The following NTM variants were observed in gnomAD, a reference collection of about 807,000 sequenced individuals.
NTM encodes the protein neurotrimin.
A neutral mutation model predicts 42.1 loss-of-function variants in NTM; 13 were observed. That is an observed-to-expected ratio of 0.31 (90% CI 0.20 to 0.49). NTM has a LOEUF of 0.49. NTM is among the 20% of genes least tolerant of loss of function. The pLI is 0.99. For missense variants in NTM, 373 were observed against 452.8 expected (o/e 0.82, Z 1.60); for synonymous variants, 187 against 179.2 (o/e 1.04, Z -0.35).
chr11:131,790,014 T>C (rs2136134083), intron 1 of NTM, among the ~76,000 whole-genome samples: 1 of 151,340 alleles, frequency 6.6e-6, no homozygotes, highest in South Asian at 2.1e-4. Context: ...CAACACATTT[T>C]GTAGTTAAAT....
At position 131,474,777 on chromosome 11, in the gene NTM, G is replaced by T. The variant is rs542973647; in HGVS notation, c.82+103889G>T. On this transcript the variant is annotated intron_variant, in intron 1 of 8. Transcript: ENST00000683400. ...ATAGGGTATCATTATATCCTTCTTG[G>T]ACTATCGCAATAGCCCCTATTCTCC... Among the ~76,000 whole-genome samples, 4 of 152,030 alleles carry T rather than the reference G, an allele frequency of 2.6e-5. No individual in the cohort carries two copies. In the South Asian group the frequency reaches 8.3e-4, roughly 32 times the overall value.
intron 2 of NTM, among the ~76,000 whole-genome samples, chr11:132,043,533 A>G (rs144631279): frequency 6.6e-6 from 1 of 151,496 alleles, no homozygotes; most frequent in Non-Finnish European, 1.5e-5. Context: ...TTGGCCCCAC[A>G]TGGAGCCACA....
intron 1 of NTM, among the ~76,000 whole-genome samples, chr11:131,847,615 T>C (rs2045067268): frequency 6.6e-6 from 1 of 152,162 alleles, no homozygotes; most frequent in Non-Finnish European, 1.5e-5. Flanking sequence ...CCACTTGTTC[T>C]GGAATTACAA....
intron 1 of NTM, among the ~76,000 whole-genome samples, chr11:131,414,543 G>A (rs1946748797): frequency 6.6e-6 from 1 of 152,192 alleles, no homozygotes; most frequent in Non-Finnish European, 1.5e-5. Context: ...GCATTCGGGA[G>A]TGAATGGAGT....
At chr11:132,047,375 G>C (rs1298979686) in intron 2 of NTM, among the ~76,000 whole-genome samples, 1 of 152,198 alleles carries the variant, frequency 6.6e-6, no homozygotes, top group Non-Finnish European at 1.5e-5. Flanking sequence ...TTTCAGTGTT[G>C]AGGTCAAATT....
intron 1 of NTM, among the ~76,000 whole-genome samples, chr11:131,788,275 TAA>T (rs1314430174): frequency 1.3e-5 from 2 of 152,130 alleles, no homozygotes; most frequent in Non-Finnish European, 2.9e-5. Context: ...TATGCCAACT[TAA>T]AAAAATTTAT....
chr11:131,926,905 G>A lies in NTM; in HGVS notation c.167+15257G>A, dbSNP rs680289. Among the ~76,000 whole-genome samples, 252 of 152,252 alleles carry A rather than the reference G, an allele frequency of 1.7e-3. 5 individuals are homozygous for A. The East Asian group carries it at 0.033, about 20-fold the overall frequency. ...CTTATCACATCTGCAAGTTATAAACGTTTAAAATGTGCATGATATCCAATT... is the reference window on the plus strand; with the variant it reads ...CTTATCACATCTGCAAGTTATAAACATTTAAAATGTGCATGATATCCAATT... On this transcript the variant is annotated intron_variant, in intron 2 of 8. Transcript: ENST00000683400.
intron 1 of NTM, among the ~76,000 whole-genome samples, chr11:131,528,997 T>C (rs530691857): frequency 6.6e-6 from 1 of 152,328 alleles, no homozygotes; most frequent in Non-Finnish European, 1.5e-5. Flanking sequence ...ATGTCATGAG[T>C]GCTCAGTAAA....
intron 1 of NTM, among the ~76,000 whole-genome samples, chr11:131,613,467 G>A (rs1325475721): frequency 6.6e-6 from 1 of 152,196 alleles, no homozygotes; most frequent in Non-Finnish European, 1.5e-5. Flanking sequence ...CTGGGGACAA[G>A]CTGTCCCCTC....
chr11:132,093,746 G>C (rs1343218747), intron 2 of NTM, among the ~76,000 whole-genome samples: 1 of 152,146 alleles, frequency 6.6e-6, no homozygotes, highest in African/African-American at 2.4e-5. Context: ...CTTCCTGAGG[G>C]CTGTGACAGT....
In NTM at chr11:132,003,306, C is replaced by G. The variant is rs910144644; in HGVS notation, c.167+91658C>G. Reference sequence around the variant, plus strand: ...TGTTGCCCAGGTTGGAGTGCAGTGACGCAATCACAGCTTACTGCAGCCTCA... The same window carrying G: ...TGTTGCCCAGGTTGGAGTGCAGTGAGGCAATCACAGCTTACTGCAGCCTCA... On this transcript the variant is annotated intron_variant, in intron 2 of 8. Coordinates refer to ENST00000683400, the MANE Select transcript of NTM (RefSeq NM_001352005.2). This position sits in a 1 kb window ranked among gnomAD's most constrained non-coding sequence, Gnocchi z 6.0. Among the ~76,000 whole-genome samples, 2 of 150,862 alleles carry G rather than the reference C, an allele frequency of 1.3e-5. No individual in the cohort carries two copies. Among genetic ancestry groups the G allele is most frequent in the Non-Finnish European group, 1.5e-5 (1 of 67,872 alleles).
intron 2 of NTM, among the ~76,000 whole-genome samples, chr11:132,042,386 G>C (rs1200587289): frequency 1.3e-5 from 2 of 152,134 alleles, no homozygotes; most frequent in African/African-American, 4.8e-5. Flanking sequence ...CTTTGTATGG[G>C]CTCCAGATGT....
intron 1 of NTM, among the ~76,000 whole-genome samples, chr11:131,750,003 G>A (rs1039903219): frequency 5.9e-5 from 9 of 152,162 alleles, no homozygotes; most frequent in Non-Finnish European, 1.0e-4. Flanking sequence ...CAGTTGCTCC[G>A]AGAATGCCAG....
At chr11:131,424,641 A>G (rs1487381006) in intron 1 of NTM, among the ~76,000 whole-genome samples, 1 of 92,028 alleles carries the variant, frequency 1.1e-5, no homozygotes, top group East Asian at 3.3e-4. Flanking sequence ...GCTCACTGCA[A>G]GTTCCGCCTC....
intron 2 of NTM, among the ~76,000 whole-genome samples, chr11:131,957,878 G>A (rs1207332011): frequency 6.6e-6 from 1 of 151,970 alleles, no homozygotes; most frequent in Admixed American, 6.5e-5. Context: ...GTGTGTGTGT[G>A]TATTATATAT....
intron 4 of NTM, among the ~76,000 whole-genome samples, chr11:132,219,047 C>A (rs994648963): frequency 2.0e-5 from 3 of 152,086 alleles, no homozygotes; most frequent in Non-Finnish European, 4.4e-5. Flanking sequence ...GTTCTAGACC[C>A]CATTTTCTCC....
intron 1 of NTM, among the ~76,000 whole-genome samples, chr11:131,703,577 C>T (rs1565446782): frequency 6.6e-6 from 1 of 152,184 alleles, no homozygotes; most frequent in Non-Finnish European, 1.5e-5. Flanking sequence ...AATCCCAGCT[C>T]TTGTCTCCTC....
At position 131,428,880 on chromosome 11, in the gene NTM, C is replaced by CAA. The variant is rs35312475; in HGVS notation, c.82+58016_82+58017dup. On this transcript the variant is annotated intron_variant, in intron 1 of 8. Transcript: ENST00000683400. ...TGAAACCCCATCTCTACTAAAAATA[C>CAA]AAAAAAAAAAAAAAAAAAAAAAAAA... Among the ~76,000 whole-genome samples, 332 of 83,966 alleles carry CAA rather than the reference C, an allele frequency of 4.0e-3. 4 individuals carry two copies. Among genetic ancestry groups the CAA allele is most frequent in the South Asian group, 0.012 (27 of 2,170 alleles). 55.1% of individuals were successfully genotyped at this position (83,966 alleles called of 152,430 possible). A position where few individuals can be genotyped will look rare whatever the true frequency, so the allele number is the denominator to read the frequency against.
At chr11:132,185,393 C>T (rs1177881433) in intron 3 of NTM, among the ~76,000 whole-genome samples, 2 of 152,192 alleles carry the variant, frequency 1.3e-5, no homozygotes, top group African/African-American at 4.8e-5. Context: ...TTTCTTCCAT[C>T]AGAATATCAC....
Sources: gnomAD v4.1 joint callset for allele counts (sites outside exome capture counted in the v4.1 genomes callset) on GRCh38, gnomAD v4.1.1 for gene constraint, Gnocchi (gnomAD v3.1) non-coding constraint, MANE v1.5 for transcripts, NCBI Gene and HGNC (gene_info 2026-07-23, HGNC 2026-07-21) for gene names.